ARHGAP29: variants seen among roughly 807,000 people sequenced by gnomAD.
ARHGAP29 encodes the protein Rho GTPase activating protein 29, also known as rho GTPase-activating protein 29.
Under a neutral mutation model 122.6 loss-of-function variants are expected in ARHGAP29, and 43 were observed. The observed-to-expected ratio is 0.35, with a 90% CI of 0.27 to 0.45. ARHGAP29 has a LOEUF of 0.45. Ranked by LOEUF, ARHGAP29 falls within the 20% of genes least tolerant of loss-of-function variation. ARHGAP29 has a pLI of 1.00. For synonymous variants in ARHGAP29, 506 were observed against 497.1 expected, an observed-to-expected ratio of 1.02 and a Z score of -0.24; for missense variants, 1,303 against 1,477.2, an observed-to-expected ratio of 0.88 and a Z score of 1.93.
intron 1 of ARHGAP29, among the ~76,000 whole-genome samples, chr1:94,258,684 T>C (rs1654452003): frequency 6.6e-6 from 1 of 152,200 alleles, no homozygotes; most frequent in African/African-American, 2.4e-5. Flanking sequence ...TAGTAATGAT[T>C]ATAACTAGCG....
chr1:94,174,577 A>T lies in ARHGAP29; in HGVS notation c.3078T>A (p.Leu1026=). 6.2e-7 allele frequency: 1 copy of T among 1,614,196 alleles called. No individual in the cohort carries two copies. Among genetic ancestry groups the T allele is most frequent in the Non-Finnish European group, 8.5e-7 (1 of 1,180,024 alleles). The change falls in exon 23 of 23, where the codon CTT becomes CTA. Residue 1026 remains leucine, a synonymous_variant. Transcript: ENST00000260526. The part of the protein sequence containing the change: ...RPVSLPVDRL[L]LASPPNERNG... Reference sequence around the variant, plus strand: ...TTCTCTCATTAGGAGGACTTGCAAGAAGTAGTCTATCTACAGGCAAACTTA... The same window carrying T: ...TTCTCTCATTAGGAGGACTTGCAAGTAGTAGTCTATCTACAGGCAAACTTA...
chr1:94,308,722 C>A, the ARHGAP29 span, among the ~76,000 whole-genome samples: 1 of 152,178 alleles, frequency 6.6e-6, no homozygotes, highest in Non-Finnish European at 1.5e-5. Context: ...CCTGACATGG[C>A]CTTGTCTCCT....
chr1:94,228,312 C>T (rs1652733727), intron 2 of ARHGAP29, among the ~76,000 whole-genome samples: 1 of 151,726 alleles, frequency 6.6e-6, no homozygotes, highest in Non-Finnish European at 1.5e-5. Context: ...ACTTAGCTGT[C>T]TTCTTAGGAA....
rs549636387 is a variant in ARHGAP29, at chr1:94,173,371, G to A, written c.*498C>T. ...GAGCTTACATACGTATCTTAAAAAAGCACAAATGGTGAAAGATGCACTATA... is the reference window on the plus strand; with the variant it reads ...GAGCTTACATACGTATCTTAAAAAAACACAAATGGTGAAAGATGCACTATA... On this transcript the variant is annotated 3_prime_UTR_variant, in exon 23 of 23. Transcript: ENST00000260526. 1 of 153,060 alleles carries A rather than the reference G, an allele frequency of 6.5e-6. No homozygotes were observed. Among genetic ancestry groups the A allele is most frequent in the East Asian group, 1.9e-4 (1 of 5,180 alleles). The allele number at this position is 153,060 out of a possible 1,614,324, so 9.5% of individuals were successfully genotyped here.
At chr1:94,191,041 AAT>A (rs1440483943) in intron 12 of ARHGAP29, 1 of 152,146 alleles carries the variant, frequency 6.6e-6, no homozygotes, top group Non-Finnish European at 1.5e-5. Context: ...AGGTAGTGCA[AAT>A]GTGAATGCGA....
chr1:94,241,036 G>A (rs749188995), upstream of ARHGAP29, among the ~76,000 whole-genome samples: 1 of 152,078 alleles, frequency 6.6e-6, no homozygotes, highest in Non-Finnish European at 1.5e-5. Flanking sequence ...GTGGGCAGAG[G>A]ACAGGGATAC....
intron 3 of ARHGAP29, among the ~76,000 whole-genome samples, chr1:94,217,201 C>A (rs1436430686): frequency 2.0e-5 from 3 of 151,948 alleles, no homozygotes; most frequent in Non-Finnish European, 2.9e-5. Context: ...AGTCATATAC[C>A]TAGGTCACTG....
Position 94,174,125 on chromosome 1 carries a change from CT to C in ARHGAP29, c.3529del (p.Arg1177GlyfsTer27), listed in dbSNP as rs1648932289. 2 of 1,614,032 alleles carry C rather than the reference CT, an allele frequency of 1.2e-6. No individual in the cohort carries two copies. The highest frequency in any genetic ancestry group is 1.7e-6 in the Non-Finnish European group (2 of 1,180,028). On this transcript the variant is annotated frameshift_variant, in exon 23 of 23. Transcript: ENST00000260526. LOFTEE classifies it low-confidence loss of function (END_TRUNC). Reference sequence around the variant, plus strand: ...TGAAGCTGGCTTCTCCTCATTCCCCCTGATACTGATGATGGGAGCATGTGGT... The same window carrying C: ...TGAAGCTGGCTTCTCCTCATTCCCCCGATACTGATGATGGGAGCATGTGGT... ...YKPHAPIISIRGNEEKPASPS... is the reference protein window; with the variant it reads ...YKPHAPIISIXGNEEKPASPS...
At chr1:94,209,803 A>G (rs1651469917) in intron 3 of ARHGAP29, among the ~76,000 whole-genome samples, 1 of 31,012 alleles carries the variant, frequency 3.2e-5, no homozygotes, top group South Asian at 2.9e-3. Flanking sequence ...CAATAATTAA[A>G]GTCATATATA....
In ARHGAP29 at chr1:94,237,506, C is replaced by A; in HGVS notation, c.-124G>T. The A allele has an allele frequency of 2.0e-6, 2 of 989,172 alleles. No homozygotes were observed. The highest frequency in any genetic ancestry group is 2.4e-6 in the Non-Finnish European group (2 of 832,414). The allele number at this position is 989,172 out of a possible 1,614,324, so 61.3% of individuals were successfully genotyped here. A position where few individuals can be genotyped will look rare whatever the true frequency, so the allele number is the denominator to read the frequency against. Reference sequence around the variant, plus strand: ...GAGGGCTGGAGCTCGCTGCCCCCATCCCCCACGGCCTGCGGACGCCCGGCC... The same window carrying A: ...GAGGGCTGGAGCTCGCTGCCCCCATACCCCACGGCCTGCGGACGCCCGGCC... On this transcript the variant is annotated 5_prime_UTR_variant, in exon 1 of 23. Coordinates refer to ENST00000260526, the MANE Select transcript of ARHGAP29 (RefSeq NM_004815.4).
intron 1 of ARHGAP29, among the ~76,000 whole-genome samples, chr1:94,246,415 C>A (rs183665227): frequency 1.1e-4 from 16 of 152,278 alleles, no homozygotes; most frequent in Admixed American, 9.8e-4. Context: ...GGAAGCGAAG[C>A]TAATTCCCAA....
intron 3 of ARHGAP29, among the ~76,000 whole-genome samples, chr1:94,215,302 A>C (rs1651894404): frequency 1.3e-5 from 2 of 151,632 alleles, no homozygotes; most frequent in African/African-American, 4.8e-5. Context: ...TTTAACTCAA[A>C]TCATCAAAAA....
At chr1:94,251,795 A>G (rs904637748) in intron 1 of ARHGAP29, among the ~76,000 whole-genome samples, 6 of 152,188 alleles carry the variant, frequency 3.9e-5, no homozygotes, top group African/African-American at 1.4e-4. Context: ...TGACTCCTCC[A>G]TAAAAACAGC....
chr1:94,191,869 A>C (rs1650150733), intron 12 of ARHGAP29: 1 of 152,208 alleles, frequency 6.6e-6, no homozygotes, highest in Admixed American at 6.5e-5. Context: ...TCTCATCAGT[A>C]AAATGGAGCT....
chr1:94,209,812 TATATAC>T (rs3073824), intron 3 of ARHGAP29, among the ~76,000 whole-genome samples: 142,943 of 151,606 alleles, frequency 0.94, 67,994 homozygotes, highest in East Asian at 1. Context: ...AAGTCATATA[TATATAC>T]ATATACATAT....
At chr1:94,247,311 G>A (rs988962143) in intron 1 of ARHGAP29, among the ~76,000 whole-genome samples, 1 of 151,970 alleles carries the variant, frequency 6.6e-6, no homozygotes, top group Non-Finnish European at 1.5e-5. Flanking sequence ...AGTCCTGTAA[G>A]GGGAGGAAAG....
chr1:94,185,042 G>C lies in ARHGAP29; in HGVS notation c.1939C>G (p.Arg647Gly), dbSNP rs755173521. The C allele has an allele frequency of 6.2e-7, 1 of 1,611,292 alleles. No homozygotes were observed. The highest frequency in any genetic ancestry group is 8.5e-7 in the Non-Finnish European group (1 of 1,179,066). Residue 647 changes from arginine (R) to glycine (G), a missense_variant, in exon 18 of 23, where the codon CGA becomes GGA. Coordinates refer to ENST00000260526, the MANE Select transcript of ARHGAP29 (RefSeq NM_004815.4). The stretch of plus-strand genomic sequence containing the variant: ...ATGACTAAATTTTCCAAACACTTTC[G>C]ATGACAAACAAGGAGACACTACAAG... Reference protein sequence around the residue: ...ECEECLLVCHRKCLENLVIIC... With the variant: ...ECEECLLVCHGKCLENLVIIC...
intron 12 of ARHGAP29, chr1:94,194,280 G>T (rs1650307545): frequency 6.6e-6 from 1 of 152,082 alleles, no homozygotes; most frequent in African/African-American, 2.4e-5. Context: ...ACACTTTCAG[G>T]TAACTAGTAA....
the ARHGAP29 span, among the ~76,000 whole-genome samples, chr1:94,297,017 T>A: frequency 6.6e-6 from 1 of 152,184 alleles, no homozygotes; most frequent in African/African-American, 2.4e-5. Flanking sequence ...ATGGTGAAAG[T>A]TTCGGCCAGG....
Sources: gnomAD v4.1 joint callset for allele counts (sites outside exome capture counted in the v4.1 genomes callset) on GRCh38, gnomAD v4.1.1 for gene constraint, MANE v1.5 for transcripts, NCBI Gene and HGNC (gene_info 2026-07-23, HGNC 2026-07-21) for gene names.